The following PAPPA2 variants were observed in gnomAD, a reference collection of about 807,000 sequenced individuals.
The protein encoded by PAPPA2 is pappalysin-2.
In PAPPA2, 86 loss-of-function variants were observed where a neutral mutation model predicts 176.4. That is an observed-to-expected ratio of 0.49 (90% confidence interval 0.41 to 0.58). The LOEUF (loss-of-function observed/expected upper bound fraction) is 0.58. Ranked by LOEUF, PAPPA2 falls within the 20% of genes least tolerant of loss-of-function variation. PAPPA2 has a pLI of 0.00. For synonymous variants in PAPPA2, 809 were observed against 852.2 expected, an observed-to-expected ratio of 0.95 and a Z score of 0.88; for missense variants, 2,073 against 2,256.9, an observed-to-expected ratio of 0.92 and a Z score of 1.65.
At position 176,580,607 on chromosome 1, in the gene PAPPA2, A is replaced by G. The variant is rs71628207; in HGVS notation, c.920-13917A>G. Reference sequence around the variant, plus strand: ...TAGTTTACATTCCCACTAGCAGTATATAAGAGTTCCTTTTTCTCTTCATCA... The same window carrying G: ...TAGTTTACATTCCCACTAGCAGTATGTAAGAGTTCCTTTTTCTCTTCATCA... On this transcript the variant is annotated intron_variant, in intron 2 of 22. Transcript: ENST00000367662. Among the ~76,000 whole-genome samples, 857 of 151,662 alleles carry G rather than the reference A, an allele frequency of 5.7e-3. 5 individuals are homozygous for G. Among genetic ancestry groups the G allele is most frequent in the South Asian group, 0.017 (81 of 4,808 alleles).
In PAPPA2 at chr1:176,767,536, C is replaced by T. The variant is rs374872575; in HGVS notation, c.4323+1699C>T. Reference sequence around the variant, plus strand: ...CTAATTTTTGTATTTTTAGTAGAGACGGGGTTTCACCATGTCAGCCAGAAT... The same window carrying T: ...CTAATTTTTGTATTTTTAGTAGAGATGGGGTTTCACCATGTCAGCCAGAAT... On this transcript the variant is annotated intron_variant, in intron 15 of 22. Coordinates refer to ENST00000367662, the MANE Select transcript of PAPPA2 (RefSeq NM_020318.3). Among the ~76,000 whole-genome samples, 33 of 152,204 alleles carry T rather than the reference C, an allele frequency of 2.2e-4. No individual in the cohort carries two copies. The East Asian group carries it at 5.6e-3, about 26-fold the overall frequency.
At chr1:176,514,449 A>G (rs1051820958) in intron 1 of PAPPA2, among the ~76,000 whole-genome samples, 1 of 152,164 alleles carries the variant, frequency 6.6e-6, no homozygotes, top group Non-Finnish European at 1.5e-5. Flanking sequence ...TTCAACGTGG[A>G]TTTGGAAGGG....
intron 14 of PAPPA2, among the ~76,000 whole-genome samples, chr1:176,744,684 C>T (rs908333926): frequency 2.0e-5 from 3 of 152,088 alleles, no homozygotes; most frequent in African/African-American, 7.2e-5. Context: ...TTTACAGGGG[C>T]CAGGAAATGA....
At chr1:176,525,492 G>A (rs533050584) in intron 1 of PAPPA2, among the ~76,000 whole-genome samples, 2 of 152,288 alleles carry the variant, frequency 1.3e-5, no homozygotes, top group East Asian at 1.9e-4. Context: ...CCTTAGGATA[G>A]TGGCTCCTAA....
At chr1:176,736,985 T>G (rs571840871) in intron 12 of PAPPA2, among the ~76,000 whole-genome samples, 2 of 152,084 alleles carry the variant, frequency 1.3e-5, no homozygotes, top group East Asian at 3.9e-4. Context: ...AAATCATAAT[T>G]CCCTCTATAT....
intron 2 of PAPPA2, among the ~76,000 whole-genome samples, chr1:176,592,380 G>A (rs1271955308): frequency 2.0e-5 from 3 of 152,050 alleles, no homozygotes; most frequent in Non-Finnish European, 4.4e-5. Context: ...AGTGGTCTTG[G>A]CTATAAATCT....
At chr1:176,746,597 A>G (rs979107424) in intron 14 of PAPPA2, among the ~76,000 whole-genome samples, 5 of 152,154 alleles carry the variant, frequency 3.3e-5, no homozygotes, top group Non-Finnish European at 5.9e-5. Flanking sequence ...TGAGCTAATT[A>G]GAAATTCATA....
chr1:176,836,811 T>A (rs1006496158), intron 21 of PAPPA2: 1 of 151,394 alleles, frequency 6.6e-6, no homozygotes, highest in Admixed American at 6.6e-5. Flanking sequence ...CTAAAAAAAA[T>A]AAAAATAAAA....
At chr1:176,749,352 C>A (rs1288137381) in intron 14 of PAPPA2, among the ~76,000 whole-genome samples, 1 of 152,190 alleles carries the variant, frequency 6.6e-6, no homozygotes. Context: ...TTCCCATACA[C>A]CCAATGATCC....
At chr1:176,761,489 C>T (rs1663698951) in intron 14 of PAPPA2, among the ~76,000 whole-genome samples, 1 of 152,210 alleles carries the variant, frequency 6.6e-6, no homozygotes, top group Non-Finnish European at 1.5e-5. Flanking sequence ...GTGCAGACAG[C>T]AGCAGCTGGA....
chr1:176,500,498 T>C (rs2102507641), intron 1 of PAPPA2, among the ~76,000 whole-genome samples: 1 of 148,242 alleles, frequency 6.7e-6, no homozygotes, highest in African/African-American at 2.4e-5. Context: ...CATTTATATA[T>C]AATTTATTTA....
At chr1:176,593,853 G>A (rs1378226437) in intron 2 of PAPPA2, among the ~76,000 whole-genome samples, 4 of 152,182 alleles carry the variant, frequency 2.6e-5, no homozygotes, top group Non-Finnish European at 5.9e-5. Flanking sequence ...CCAGTGGTTA[G>A]TTTTTTAGGC....
Position 176,740,130 on chromosome 1 carries a change from G to A in PAPPA2, c.4085G>A (p.Arg1362His), listed in dbSNP as rs768702466. The change falls in exon 14 of 23, where the codon CGC becomes CAC. Residue 1362 changes from arginine (R) to histidine (H), a missense_variant. Around this residue, in one of 4 missense-constraint regions of PAPPA2, gnomAD observed 846 missense variants for 857.9 expected, o/e 0.99. Transcript: ENST00000367662. ...GCTGTGGCTCTAAGGACATCCTCCC[G>A]CATTGGTCTTTCGGCTCCCAGTAAC... ...ISAVALRTSS[R>H]IGLSAPSNCI... 16 of 1,613,718 alleles carry A rather than the reference G, an allele frequency of 9.9e-6. No homozygotes were observed. The highest frequency in any genetic ancestry group is 4.4e-5 in the South Asian group (4 of 91,082).
intron 22 of PAPPA2, among the ~76,000 whole-genome samples, chr1:176,841,761 CA>C (rs1241074316): frequency 2.6e-5 from 4 of 152,050 alleles, no homozygotes; most frequent in African/African-American, 9.7e-5. Context: ...ATTATTCCAC[CA>C]AGTCAAAGTA....
chr1:176,712,808 T>A (rs1312205520), intron 12 of PAPPA2, among the ~76,000 whole-genome samples: 1 of 152,212 alleles, frequency 6.6e-6, no homozygotes, highest in Non-Finnish European at 1.5e-5. Context: ...TTTGAGTGTT[T>A]CAAATGTTTC....
chr1:176,525,971 G>A (rs374819130), intron 1 of PAPPA2, among the ~76,000 whole-genome samples: 10 of 152,224 alleles, frequency 6.6e-5, no homozygotes, highest in South Asian at 6.2e-4. Flanking sequence ...TGTATTTTAC[G>A]ATGAAGCTCC....
intron 21 of PAPPA2, among the ~76,000 whole-genome samples, chr1:176,822,902 C>T (rs994962160): frequency 3.0e-4 from 45 of 152,166 alleles, no homozygotes; most frequent in Admixed American, 2.9e-3. Context: ...CTTTTCTGCA[C>T]TCATCTCTTC....
chr1:176,650,325 T>G (rs1056545055), intron 3 of PAPPA2, among the ~76,000 whole-genome samples: 6 of 151,438 alleles, frequency 4.0e-5, no homozygotes, highest in Admixed American at 3.3e-4. Context: ...AATTGGGTCT[T>G]GTTTCTTTGT....
intron 2 of PAPPA2, among the ~76,000 whole-genome samples, chr1:176,576,572 A>G (rs1287365184): frequency 6.6e-6 from 1 of 151,988 alleles, no homozygotes; most frequent in Non-Finnish European, 1.5e-5. Context: ...GTATTGAGCC[A>G]CTAGATAAGT....
Sources: allele counts gnomAD v4.1 joint callset (sites outside exome capture counted in the v4.1 genomes callset), GRCh38; gene constraint gnomAD v4.1.1; regional missense constraint gnomAD v4.1.1; transcripts MANE v1.5; gene names NCBI Gene and HGNC (gene_info 2026-07-23, HGNC 2026-07-21).